C2orf92: variants seen among roughly 807,000 people sequenced by gnomAD.
The protein encoded by C2orf92 is uncharacterized protein C2orf92.
At chr2:97,668,713 G>A (rs1260946751), upstream of C2orf92, 1 of 152,460 alleles carries the variant, frequency 6.6e-6, no homozygotes, top group Non-Finnish European at 1.5e-5. Flanking sequence ...AAGTGTAGTG[G>A]TGTGATCTTG....
At chr2:97,673,509 G>A (rs1295865031) in intron 1 of C2orf92, among the ~76,000 whole-genome samples, 1 of 152,178 alleles carries the variant, frequency 6.6e-6, no homozygotes, top group Non-Finnish European at 1.5e-5. Context: ...GAAGGAAGTT[G>A]ACAGAGACAT....
intron 3 of C2orf92, among the ~76,000 whole-genome samples, chr2:97,687,481 T>C (rs2309272): frequency 1.5e-4 from 23 of 152,174 alleles, no homozygotes; most frequent in Admixed American, 3.3e-4. Context: ...AGAGCTGAGA[T>C]GGAGAAAAGG....
intron 5 of C2orf92, among the ~76,000 whole-genome samples, chr2:97,694,972 G>T (rs773599118): frequency 6.6e-6 from 1 of 152,160 alleles, no homozygotes; most frequent in African/African-American, 2.4e-5. Context: ...ATCTATTCAA[G>T]TTCTTTGCCC....
chr2:97,673,423 C>T (rs1187020053), intron 1 of C2orf92, among the ~76,000 whole-genome samples: 2 of 152,148 alleles, frequency 1.3e-5, no homozygotes, highest in Non-Finnish European at 2.9e-5. Flanking sequence ...TTCCTAGATG[C>T]TGTTTCCAGG....
chr2:97,678,208 A>T (rs78149521), intron 3 of C2orf92, among the ~76,000 whole-genome samples: 13 of 146,290 alleles, frequency 8.9e-5, no homozygotes, highest in East Asian at 7.9e-4. Context: ...TCAAAAAAAT[A>T]AAAAAAAAAA....
At chr2:97,688,511 A>C (rs945351969) in intron 3 of C2orf92, among the ~76,000 whole-genome samples, 2 of 152,184 alleles carry the variant, frequency 1.3e-5, no homozygotes, top group Admixed American at 1.3e-4. Context: ...GAGCTTTTAG[A>C]ATCTGTTCTG....
intron 3 of C2orf92, among the ~76,000 whole-genome samples, chr2:97,685,565 T>C (rs1675932228): frequency 6.7e-6 from 1 of 148,154 alleles, no homozygotes. Flanking sequence ...GTGCTGGCCT[T>C]TTTTTTTCTT....
chr2:97,695,651 C>T (rs917767454), intron 5 of C2orf92, among the ~76,000 whole-genome samples: 2 of 152,232 alleles, frequency 1.3e-5, no homozygotes, highest in Non-Finnish European at 2.9e-5. Flanking sequence ...ACTGTTTCTT[C>T]AGTCAATTGC....
At position 97,685,025 on chromosome 2, in the gene C2orf92, G is replaced by A. The variant is rs577352262; in HGVS notation, c.233-3870G>A. 3.3e-5 allele frequency among the ~76,000 whole-genome samples: 5 copies of A among 152,010 alleles called. No individual in the cohort carries two copies. In the East Asian group the frequency reaches 7.7e-4, roughly 23 times the overall value. ...GCTCACTGCAAGCTTCGCCTCCCGG[G>A]TTCACACCATTCTCCTGCCTCAGCC... On this transcript the variant is annotated intron_variant, in intron 3 of 7. Transcript: ENST00000627399.
At chr2:97,666,671 T>C (rs751337356), upstream of C2orf92, among the ~76,000 whole-genome samples, 19 of 151,602 alleles carry the variant, frequency 1.3e-4, no homozygotes, top group Non-Finnish European at 2.7e-4. Context: ...GGCAAAACCC[T>C]GTCTCTACAA....
At chr2:97,665,036 T>G (rs1675161055), upstream of C2orf92, among the ~76,000 whole-genome samples, 1 of 152,224 alleles carries the variant, frequency 6.6e-6, no homozygotes, top group Non-Finnish European at 1.5e-5. Flanking sequence ...TGCAACAATA[T>G]CAGGTAGTTG....
intron 3 of C2orf92, among the ~76,000 whole-genome samples, chr2:97,676,779 A>G (rs758952119): frequency 8.4e-5 from 10 of 119,596 alleles, no homozygotes; most frequent in East Asian, 2.0e-4. Context: ...ATTAAAAAAA[A>G]AGAGAGAGAC....
At chr2:97,694,627 T>C (rs1201012531) in intron 5 of C2orf92, 1 of 152,256 alleles carries the variant, frequency 6.6e-6, no homozygotes, top group East Asian at 1.9e-4. Context: ...TTTGTTTACT[T>C]ACTTATCCCT....
chr2:97,666,529 CA>C (rs34223345), upstream of C2orf92, among the ~76,000 whole-genome samples: 37 of 70,382 alleles, frequency 5.3e-4, no homozygotes, highest in South Asian at 2.0e-3. Flanking sequence ...GACTCCGTCT[CA>C]AAAAAAAAAA....
intron 5 of C2orf92, among the ~76,000 whole-genome samples, chr2:97,692,306 C>T (rs979758921): frequency 2.6e-5 from 4 of 151,738 alleles, no homozygotes; most frequent in Non-Finnish European, 5.9e-5. Context: ...TCTCTACCTA[C>T]TTAATGTTTG....
intron 3 of C2orf92, among the ~76,000 whole-genome samples, chr2:97,684,685 A>G (rs1675894559): frequency 1.3e-5 from 2 of 152,212 alleles, no homozygotes; most frequent in Non-Finnish European, 2.9e-5. Flanking sequence ...AGAATGAGAG[A>G]AAATGTTTGC....
intron 3 of C2orf92, among the ~76,000 whole-genome samples, chr2:97,686,512 C>T (rs1488789424): frequency 6.6e-6 from 1 of 152,086 alleles, no homozygotes; most frequent in African/African-American, 2.4e-5. Flanking sequence ...CCCTGCCTCC[C>T]CGGTTCAAGC....
At position 97,688,899 on chromosome 2, in the gene C2orf92, A is replaced by C. The variant is rs572535781; in HGVS notation, c.237A>C (p.Glu79Asp). ...REEHLAKIFD[E>D]ILLQVFPKFP... ...CCTTTGTTTGCTCCACTGGAGATGA[A>C]ATTCTACTGCAGGTGTTTCCAAAGT... The change falls in exon 4 of 8, where the codon GAA becomes GAC. Residue 79 changes from glutamate (E) to aspartate (D), a missense_variant. Physicochemically the swap from Glu to Asp is conservative, Grantham distance 45. Transcript: ENST00000627399. 1.6e-4 allele frequency: 64 copies of C among 398,486 alleles called. No individual in the cohort carries two copies. The highest frequency in any genetic ancestry group is 2.6e-4 in the Non-Finnish European group (58 of 226,064). 24.7% of individuals were successfully genotyped at this position (398,486 alleles called of 1,614,324 possible). A position where few individuals can be genotyped will look rare whatever the true frequency, so the allele number is the denominator to read the frequency against.
intron 5 of C2orf92, among the ~76,000 whole-genome samples, chr2:97,697,633 C>T (rs763045974): frequency 6.6e-6 from 1 of 152,196 alleles, no homozygotes; most frequent in Non-Finnish European, 1.5e-5. Flanking sequence ...CTCTTTTTTC[C>T]AGGAATACCT....
Sources: allele counts gnomAD v4.1 joint callset (sites outside exome capture counted in the v4.1 genomes callset), GRCh38; gene constraint gnomAD v4.1.1; transcripts MANE v1.5; gene names NCBI Gene and HGNC (gene_info 2026-07-23, HGNC 2026-07-21).